Variants in ADCY5 observed in about 807,000 individuals in gnomAD.
The protein encoded by ADCY5 is adenylate cyclase type 5.
ADCY5 carries 30 observed loss-of-function variants against 119.7 expected under a neutral mutation model. The observed-to-expected ratio is 0.25, with a 90% CI of 0.19 to 0.34. The LOEUF (loss-of-function observed/expected upper bound fraction) is 0.34. Among genes scored for constraint, ADCY5 ranks in the 10% least tolerant of loss-of-function variants. The pLI, the probability that ADCY5 is intolerant of heterozygous loss-of-function variation, is 1.00. For missense variants in ADCY5, 1,324 were observed against 1,775.2 expected (o/e 0.75, Z 4.57); for synonymous variants, 753 against 762.2 (o/e 0.99, Z 0.20).
Position 123,447,761 on chromosome 3 carries a change from G to T in ADCY5, c.785C>A (p.Ala262Glu). 1 of 1,607,150 alleles carries T rather than the reference G, an allele frequency of 6.2e-7. No homozygotes were observed. The highest frequency in any genetic ancestry group is 2.2e-5 in the East Asian group (1 of 44,698). ...VCLVMLAFHA[A>E]RPPLQLPYLA... Reference sequence around the variant, plus strand: ...GTAGGGCAGCTGGAGCGGGGGCCGCGCCGCGTGGAAGGCCAACATGACCAG... The same window carrying T: ...GTAGGGCAGCTGGAGCGGGGGCCGCTCCGCGTGGAAGGCCAACATGACCAG... The change falls in exon 1 of 21, where the codon GCG (alanine) becomes GAG (glutamate). Residue 262 changes from alanine to glutamate, a missense_variant. Transcript: ENST00000462833.
chr3:123,327,581 G>A (rs1576578845), intron 7 of ADCY5, 37 bp downstream of exon 7: 2 of 1,594,056 alleles, frequency 1.3e-6, no homozygotes, highest in African/African-American at 1.3e-5. Flanking sequence ...CCTGGAGGAA[G>A]GGAGCCCCTC....
At chr3:123,359,515 A>G (rs1222595398) in intron 1 of ADCY5, among the ~76,000 whole-genome samples, 2 of 151,284 alleles carry the variant, frequency 1.3e-5, no homozygotes, top group East Asian at 3.9e-4. Context: ...TCCCTCTTCC[A>G]GATCTTCCTC....
intron 15 of ADCY5, among the ~76,000 whole-genome samples, chr3:123,298,830 CTTTT>C (rs35856404): frequency 9.8e-6 from 1 of 102,532 alleles, no homozygotes; most frequent in Non-Finnish European, 1.8e-5. Flanking sequence ...AAAACTGTCA[CTTTT>C]TTTTTTTTTT....
At chr3:123,372,797 T>G (rs1943682820) in intron 1 of ADCY5, among the ~76,000 whole-genome samples, 1 of 152,208 alleles carries the variant, frequency 6.6e-6, no homozygotes, top group South Asian at 2.1e-4. Context: ...TCCTTTGTAC[T>G]CTGCTATCCT....
intron 1 of ADCY5, among the ~76,000 whole-genome samples, chr3:123,396,832 G>GAGAGAGAGAGAC (rs1553744395): frequency 1.3e-5 from 2 of 150,944 alleles, no homozygotes; most frequent in Non-Finnish European, 3.0e-5. Context: ...GAGAGAGAGA[G>GAGAGAGAGAGAC]AGAGAGAGAG....
chr3:123,343,400 T>C (rs1942377582), intron 3 of ADCY5, among the ~76,000 whole-genome samples: 2 of 152,128 alleles, frequency 1.3e-5, no homozygotes, highest in African/African-American at 4.8e-5. Context: ...GTGAGGAAAC[T>C]GAGGCTCCGA....
At position 123,299,885 on chromosome 3, in the gene ADCY5, G is replaced by T. The variant is rs199987886; in HGVS notation, c.2900+235C>A. Among the ~76,000 whole-genome samples, 189 of 152,338 alleles carry T rather than the reference G, an allele frequency of 1.2e-3. No individual in the cohort carries two copies. The East Asian group carries it at 0.015, about 12-fold the overall frequency. ...CCACTGGAGGCTGCCCTGGCAAGCG[G>T]GGAGCAAACCAGAGAAAGAAACACA... On this transcript the variant is annotated intron_variant, in intron 15 of 20. Transcript: ENST00000462833.
chr3:123,342,271 C>CG (rs1053869372), intron 3 of ADCY5, among the ~76,000 whole-genome samples: 2 of 152,172 alleles, frequency 1.3e-5, no homozygotes, highest in Admixed American at 1.3e-4. Flanking sequence ...GTCGCGTGGT[C>CG]ATTATAATTC....
At chr3:123,304,548 C>T (rs1576546318) in intron 12 of ADCY5, among the ~76,000 whole-genome samples, 1 of 152,042 alleles carries the variant, frequency 6.6e-6, no homozygotes, top group South Asian at 2.1e-4. Flanking sequence ...GCTGAGGAGT[C>T]GTGGAGGGCT....
At position 123,284,555 on chromosome 3, in the gene ADCY5, C is replaced by G. The variant is rs1460234341; in HGVS notation, c.*53G>C. Reference sequence around the variant, plus strand: ...CCGCCACCCCCGGCACACAGAGAAGCTGCTTCCATGCCTCTGGAGGCCAGG... The same window carrying G: ...CCGCCACCCCCGGCACACAGAGAAGGTGCTTCCATGCCTCTGGAGGCCAGG... On this transcript the variant is annotated 3_prime_UTR_variant, in exon 21 of 21. Coordinates refer to ENST00000462833, the MANE Select transcript of ADCY5 (RefSeq NM_183357.3). 4 of 1,607,728 alleles carry G rather than the reference C, an allele frequency of 2.5e-6. No homozygotes were observed. The Admixed American group carries it at 5.0e-5, about 20-fold the overall frequency.
At chr3:123,382,700 A>T (rs1944071767) in intron 1 of ADCY5, among the ~76,000 whole-genome samples, 1 of 152,222 alleles carries the variant, frequency 6.6e-6, no homozygotes. Flanking sequence ...AAGTACCCGG[A>T]CTAGTCAAAA....
chr3:123,330,033 G>A (rs1941683663), intron 5 of ADCY5, among the ~76,000 whole-genome samples: 1 of 152,138 alleles, frequency 6.6e-6, no homozygotes, highest in African/African-American at 2.4e-5. Flanking sequence ...ACCTCGCCGT[G>A]TCCACATGAC....
Position 123,313,765 on chromosome 3 carries a change from A to T in ADCY5, c.2442+470T>A, listed in dbSNP as rs186758913. Among the ~76,000 whole-genome samples, 552 of 152,258 alleles carry T rather than the reference A, an allele frequency of 3.6e-3. 1 individual carries two copies. The highest frequency in any genetic ancestry group is 6.2e-3 in the Non-Finnish European group (420 of 68,014). ...TTGAAAACACCAAAACACACTCCTC[A>T]TCTATGTGCTGGGTGGCTCAAGACC... On this transcript the variant is annotated intron_variant, in intron 12 of 20. Coordinates refer to ENST00000462833, the MANE Select transcript of ADCY5 (RefSeq NM_183357.3).
chr3:123,327,521 A>T, intron 7 of ADCY5, 97 bp downstream of exon 7: 1 of 1,280,932 alleles, frequency 7.8e-7, no homozygotes, highest in Non-Finnish European at 1.1e-6. Flanking sequence ...GAAATTCATG[A>T]CTTCACTCAA....
intron 1 of ADCY5, among the ~76,000 whole-genome samples, chr3:123,365,036 T>A (rs1028765691): frequency 1.6e-4 from 25 of 152,020 alleles, no homozygotes; most frequent in African/African-American, 5.8e-4. Flanking sequence ...TGGGTTCAAG[T>A]AATTCTCCTG....
chr3:123,346,641 C>CTCTCTCTCTCTCTCTGTG (rs1376749948), intron 3 of ADCY5, among the ~76,000 whole-genome samples: 1 of 146,510 alleles, frequency 6.8e-6, no homozygotes, highest in African/African-American at 2.5e-5. Flanking sequence ...CTCTCTCTCT[C>CTCTCTCTCTCTCTCTGTG]TGTGTGTATG....
chr3:123,282,542 T>C lies in ADCY5; in HGVS notation c.*2066A>G, dbSNP rs999673146. ...TGGGATGAACTCAGCACACACACTT[T>C]ACTCAGGTTGGAAGCAGAACGAAAA... On this transcript the variant is annotated 3_prime_UTR_variant, in exon 21 of 21. Transcript: ENST00000462833. 2.6e-5 allele frequency: 4 copies of C among 152,206 alleles called. No individual in the cohort carries two copies. The East Asian group carries it at 7.7e-4, about 29-fold the overall frequency. 9.4% of individuals were successfully genotyped at this position (152,206 alleles called of 1,614,324 possible).
At chr3:123,378,548 C>G (rs949888446) in intron 1 of ADCY5, among the ~76,000 whole-genome samples, 1 of 152,166 alleles carries the variant, frequency 6.6e-6, no homozygotes, top group African/African-American at 2.4e-5. Context: ...TGAGCTCCCA[C>G]CTTAGTGCTC....
chr3:123,434,629 A>G (rs1038270382), intron 1 of ADCY5, among the ~76,000 whole-genome samples: 1 of 152,258 alleles, frequency 6.6e-6, no homozygotes, highest in Non-Finnish European at 1.5e-5. Context: ...TTTGGCTGGT[A>G]TTTGAGCCAC....
Sources: gnomAD v4.1 joint callset for allele counts (sites outside exome capture counted in the v4.1 genomes callset) on GRCh38, gnomAD v4.1.1 for gene constraint, MANE v1.5 for transcripts, NCBI Gene and HGNC (gene_info 2026-07-23, HGNC 2026-07-21) for gene names.